Variants in ANKRD55 observed in about 807,000 individuals in gnomAD.
The protein encoded by ANKRD55 is ankyrin repeat domain 55, also known as ankyrin repeat domain-containing protein 55.
ANKRD55 carries 41 observed loss-of-function variants against 60.6 expected under a neutral mutation model. That is an observed-to-expected ratio of 0.68 (90% CI 0.53 to 0.88). The LOEUF is 0.88. ANKRD55 is among the 40% of genes least tolerant of loss of function. ANKRD55 has a pLI of 0.00. For synonymous variants in ANKRD55, 264 were observed against 290.3 expected (o/e 0.91, Z 0.92); for missense variants, 732 against 767.6 (o/e 0.95, Z 0.55).
intron 9 of ANKRD55, among the ~76,000 whole-genome samples, chr5:56,116,114 C>A (rs1287781382): frequency 6.6e-6 from 1 of 152,190 alleles, no homozygotes. Flanking sequence ...CTCAGCCTCC[C>A]AAAGTGCTGG....
At chr5:56,198,346 C>G (rs113767380) in intron 2 of ANKRD55, among the ~76,000 whole-genome samples, 4 of 151,778 alleles carry the variant, frequency 2.6e-5, no homozygotes, top group African/African-American at 9.7e-5. Context: ...GTTACCCAGG[C>G]GTGATCTTGG....
At chr5:56,191,995 T>C (rs1759105083) in intron 2 of ANKRD55, among the ~76,000 whole-genome samples, 1 of 152,280 alleles carries the variant, frequency 6.6e-6, no homozygotes, top group South Asian at 2.1e-4. Flanking sequence ...CCTAATGGAA[T>C]CTAAAATGAG....
intron 7 of ANKRD55, among the ~76,000 whole-genome samples, chr5:56,142,317 G>C (rs2111757136): frequency 6.6e-6 from 1 of 152,284 alleles, no homozygotes; most frequent in South Asian, 2.1e-4. Context: ...CTGGGCTACA[G>C]AGTGAGACTC....
intron 9 of ANKRD55, 40 bp downstream of exon 9, chr5:56,116,575 T>G: frequency 2.8e-6 from 4 of 1,415,014 alleles, no homozygotes; most frequent in African/African-American, 1.5e-5. Flanking sequence ...TATAAATAGT[T>G]GAGAAGAATA....
intron 7 of ANKRD55, among the ~76,000 whole-genome samples, chr5:56,136,753 T>C (rs1757608931): frequency 6.6e-6 from 1 of 151,040 alleles, no homozygotes; most frequent in African/African-American, 2.5e-5. Context: ...AAACCTCATC[T>C]CTAAAAAAAA....
Position 56,133,848 on chromosome 5 carries a change from A to G in ANKRD55, c.613-6742T>C, listed in dbSNP as rs1757488525. 1.7e-5 allele frequency among the ~76,000 whole-genome samples: 2 copies of G among 115,548 alleles called. 1 individual carries two copies. Among genetic ancestry groups the G allele is most frequent in the Non-Finnish European group, 4.1e-5 (2 of 48,772 alleles). The allele number at this position is 115,548 out of a possible 152,430, so 75.8% of individuals were successfully genotyped here. Reference sequence around the variant, plus strand: ...GCTTTGAATGTATATATTAAAAAAGAAGAAAGATCTAGAATCAATTATATA... The same window carrying G: ...GCTTTGAATGTATATATTAAAAAAGGAGAAAGATCTAGAATCAATTATATA... On this transcript the variant is annotated intron_variant, in intron 7 of 11. Coordinates refer to ENST00000341048, the MANE Select transcript of ANKRD55 (RefSeq NM_024669.3).
At chr5:56,124,784 A>G (rs1343773639) in intron 8 of ANKRD55, among the ~76,000 whole-genome samples, 1 of 152,110 alleles carries the variant, frequency 6.6e-6, no homozygotes, top group Non-Finnish European at 1.5e-5. Context: ...GGGATTATAG[A>G]TGTGAGCCAC....
chr5:56,219,573 T>A (rs61495955), intron 2 of ANKRD55, among the ~76,000 whole-genome samples: 15,145 of 152,222 alleles, frequency 0.099, 1,349 homozygotes, highest in African/African-American at 0.24. Flanking sequence ...TTAAAAGATA[T>A]ATCAGAAAAT....
chr5:56,120,442 C>A (rs1244808874), intron 8 of ANKRD55, among the ~76,000 whole-genome samples: 2 of 152,160 alleles, frequency 1.3e-5, no homozygotes, highest in African/African-American at 4.8e-5. Flanking sequence ...TTGTGCTCAA[C>A]CTCAGGGGAG....
chr5:56,116,686 C>G lies in ANKRD55; in HGVS notation c.894G>C (p.Glu298Asp). 10 of 1,614,078 alleles carry G rather than the reference C, an allele frequency of 6.2e-6. No homozygotes were observed. Among genetic ancestry groups the G allele is most frequent in the Non-Finnish European group, 8.5e-6 (10 of 1,179,968 alleles). The change falls in exon 9 of 12, where the codon GAG becomes GAC. Residue 298 changes from glutamate (E) to aspartate (D), a missense_variant. Around this residue, in one of 3 missense-constraint regions of ANKRD55, gnomAD observed 597 missense variants for 607.5 expected, o/e 0.98. Coordinates refer to ENST00000341048, the MANE Select transcript of ANKRD55 (RefSeq NM_024669.3). The part of the protein sequence containing the change: ...GMDSNLRDIN[E>D]STPLAYALYC... ...ACAGGGCATAGGCCAAGGGCGTGCT[C>G]TCATTGATGTCCCGCAGGTTGCTGT...
At chr5:56,113,929 C>A (rs1282968523) in intron 9 of ANKRD55, among the ~76,000 whole-genome samples, 1 of 149,614 alleles carries the variant, frequency 6.7e-6, no homozygotes, top group African/African-American at 2.5e-5. Context: ...AGGTTACAGG[C>A]GTGAGTCACT....
chr5:56,121,088 T>A (rs903813140), intron 8 of ANKRD55, among the ~76,000 whole-genome samples: 1 of 152,018 alleles, frequency 6.6e-6, no homozygotes, highest in Non-Finnish European at 1.5e-5. Context: ...AGCACAGCAC[T>A]GACACAGCTG....
At chr5:56,207,523 A>G (rs1041398159) in intron 2 of ANKRD55, among the ~76,000 whole-genome samples, 12 of 152,192 alleles carry the variant, frequency 7.9e-5, no homozygotes, top group Non-Finnish European at 5.9e-5. Context: ...ACAAACCTAG[A>G]TGGTATAGCC....
intron 5 of ANKRD55, among the ~76,000 whole-genome samples, chr5:56,161,459 C>G (rs541241226): frequency 2.8e-4 from 42 of 152,188 alleles, no homozygotes; most frequent in Non-Finnish European, 5.9e-4. Context: ...TGGAAGACAT[C>G]TAAAGCCCTA....
chr5:56,128,202 C>A (rs1456046388), intron 7 of ANKRD55, among the ~76,000 whole-genome samples: 2 of 152,090 alleles, frequency 1.3e-5, no homozygotes, highest in East Asian at 1.9e-4. Flanking sequence ...TTTTTGTTTA[C>A]AATTTCCTGG....
chr5:56,151,925 A>G (rs11948293), intron 6 of ANKRD55, among the ~76,000 whole-genome samples: 5 of 131,990 alleles, frequency 3.8e-5, no homozygotes, highest in Non-Finnish European at 6.6e-5. Flanking sequence ...ACATATATGT[A>G]TATATGTATA....
At chr5:56,104,651 G>A (rs1756397053) in intron 10 of ANKRD55, among the ~76,000 whole-genome samples, 1 of 152,072 alleles carries the variant, frequency 6.6e-6, no homozygotes, top group East Asian at 1.9e-4. Flanking sequence ...CGAGGTGACT[G>A]CAGGATTAAT....
At chr5:56,138,183 A>G (rs1757663161) in intron 7 of ANKRD55, among the ~76,000 whole-genome samples, 1 of 145,644 alleles carries the variant, frequency 6.9e-6, no homozygotes, top group African/African-American at 2.6e-5. Context: ...GTTGGAGTGC[A>G]ATGGCGCAAT....
intron 2 of ANKRD55, among the ~76,000 whole-genome samples, chr5:56,209,093 G>A (rs1018767061): frequency 2.6e-5 from 4 of 151,940 alleles, no homozygotes; most frequent in African/African-American, 4.8e-5. Flanking sequence ...GAGTAGCTGC[G>A]ATGACAGGCA....
Sources: allele counts gnomAD v4.1 joint callset (sites outside exome capture counted in the v4.1 genomes callset), GRCh38; gene constraint gnomAD v4.1.1; regional missense constraint gnomAD v4.1.1; transcripts MANE v1.5; gene names NCBI Gene and HGNC (gene_info 2026-07-23, HGNC 2026-07-21).